Variants in ELMOD3 observed in about 807,000 individuals in gnomAD.
ELMOD3 encodes ELMO domain-containing protein 3.
ELMOD3 carries 36 observed loss-of-function variants against 47.4 expected under a neutral mutation model. The ratio of observed to expected loss-of-function variants is 0.76; its 90% CI spans 0.58 to 1.00. The LOEUF (loss-of-function observed/expected upper bound fraction) is 1.00. Among genes scored for constraint, ELMOD3 ranks in the 50% least tolerant of loss-of-function variants. The pLI is 0.00. For synonymous variants in ELMOD3, 149 were observed against 183.5 expected, an observed-to-expected ratio of 0.81 and a Z score of 1.52; for missense variants, 404 against 463.8, an observed-to-expected ratio of 0.87 and a Z score of 1.18.
chr2:85,364,823 A>AT lies in ELMOD3; in HGVS notation c.199+1658dup, dbSNP rs1221956258. Among the ~76,000 whole-genome samples, 387 of 86,942 alleles carry AT rather than the reference A, an allele frequency of 4.5e-3. 4 individuals carry two copies. The highest frequency in any genetic ancestry group is 5.7e-3 in the Non-Finnish European group (272 of 48,012). 57.0% of individuals were successfully genotyped at this position (86,942 alleles called of 152,430 possible). A position where few individuals can be genotyped will look rare whatever the true frequency, so the allele number is the denominator to read the frequency against. On this transcript the variant is annotated intron_variant, in intron 6 of 13. Coordinates refer to ENST00000409013, the MANE Select transcript of ELMOD3 (RefSeq NM_001135022.2). Reference sequence around the variant, plus strand: ...TAAATACATATATATATATATATATATATTTTTTTTTTTTTTTTTTTTTTT... The same window carrying AT: ...TAAATACATATATATATATATATATATTATTTTTTTTTTTTTTTTTTTTTTT...
At chr2:85,380,462 A>G (rs146785273) in intron 11 of ELMOD3, among the ~76,000 whole-genome samples, 2 of 152,304 alleles carry the variant, frequency 1.3e-5, no homozygotes, top group East Asian at 1.9e-4. Flanking sequence ...TGATGTCACA[A>G]TCTCCAAAGT....
intron 6 of ELMOD3, among the ~76,000 whole-genome samples, chr2:85,365,983 A>T (rs980012827): frequency 7.0e-5 from 10 of 143,776 alleles, no homozygotes; most frequent in African/African-American, 3.0e-4. Context: ...TTTGAAACAG[A>T]GTCTCACTCT....
chr2:85,367,780 T>A (rs977498467), intron 6 of ELMOD3: 2 of 152,210 alleles, frequency 1.3e-5, no homozygotes, highest in Non-Finnish European at 2.9e-5. Flanking sequence ...TAAGTGGAAC[T>A]GTCATGAGTT....
Position 85,369,820 on chromosome 2 carries a change from C to T in ELMOD3, c.350C>T (p.Ser117Phe). The change falls in exon 8 of 14, where the codon TCC becomes TTC. Residue 117 changes from serine to phenylalanine, a missense_variant. Transcript: ENST00000409013. ...ALQHFQTVDL[S>F]PFKKRIQPTI... ...CAGCACTTCCAGACTGTGGACCTTT[C>T]CCCCTTCAAGGTATGAGGGTAGCAG... 6.2e-7 allele frequency: 1 copy of T among 1,614,104 alleles called. No homozygotes were observed. Among genetic ancestry groups the T allele is most frequent in the Admixed American group, 1.7e-5 (1 of 60,008 alleles).
Position 85,366,837 on chromosome 2 carries a change from G to A in ELMOD3, c.200-1849G>A, listed in dbSNP as rs539810553. 4.6e-5 allele frequency among the ~76,000 whole-genome samples: 7 copies of A among 152,360 alleles called. 1 individual carries two copies. The South Asian group carries it at 1.2e-3, about 27-fold the overall frequency. On this transcript the variant is annotated intron_variant, in intron 6 of 13. Transcript: ENST00000409013. ...GTGATGTCCTCAGCCAAGATTGTGAGGCAGAGAGGAGCTGTCCCAACCTAC... is the reference window on the plus strand; with the variant it reads ...GTGATGTCCTCAGCCAAGATTGTGAAGCAGAGAGGAGCTGTCCCAACCTAC...
intron 11 of ELMOD3, among the ~76,000 whole-genome samples, chr2:85,386,073 C>T (rs758340946): frequency 3.9e-5 from 6 of 152,190 alleles, no homozygotes; most frequent in Non-Finnish European, 8.8e-5. Flanking sequence ...TGCTTAGACT[C>T]TCCCCATCAG....
chr2:85,363,446 G>C (rs1378551027), intron 6 of ELMOD3, among the ~76,000 whole-genome samples: 1 of 152,192 alleles, frequency 6.6e-6, no homozygotes, highest in African/African-American at 2.4e-5. Context: ...ATGAAAATGA[G>C]ACACAATATA....
chr2:85,355,287 G>A (rs1683469533), intron 2 of ELMOD3, 117 bp downstream of exon 2: 1 of 152,328 alleles, frequency 6.6e-6, no homozygotes, highest in African/African-American at 2.4e-5. Context: ...GGGAACCTGG[G>A]GGACGGGGAG....
intron 11 of ELMOD3, chr2:85,389,546 T>G: frequency 1.7e-6 from 1 of 599,556 alleles, no homozygotes; most frequent in Non-Finnish European, 3.0e-6. Context: ...TTCCCATGCC[T>G]TAGGAAAGTT....
chr2:85,359,621 G>C (rs997603934), intron 4 of ELMOD3, among the ~76,000 whole-genome samples: 13 of 151,802 alleles, frequency 8.6e-5, no homozygotes, highest in African/African-American at 2.7e-4. Flanking sequence ...GTAGAAACAG[G>C]GTTTCACCAT....
At chr2:85,361,468 C>G (rs2104502605) in intron 4 of ELMOD3, among the ~76,000 whole-genome samples, 1 of 152,218 alleles carries the variant, frequency 6.6e-6, no homozygotes, top group African/African-American at 2.4e-5. Flanking sequence ...GGAAAAGTTG[C>G]AACATTTACC....
chr2:85,371,186 A>G lies in ELMOD3; in HGVS notation c.461A>G (p.Asp154Gly). The G allele has an allele frequency of 6.2e-7, 1 of 1,614,228 alleles. No individual in the cohort carries two copies. Among genetic ancestry groups the G allele is most frequent in the Non-Finnish European group, 8.5e-7 (1 of 1,180,040 alleles). The stretch of plus-strand genomic sequence containing the variant: ...CACCAGCGCCTTCGGGAAGAAAGGG[A>G]CTTGGTCCTGACCATTGCTCAGTGT... ...KLHQRLREER[D>G]LVLTIAQCGL... Residue 154 changes from aspartate to glycine, a missense_variant, in exon 9 of 14, where the codon GAC becomes GGC. Physicochemically the swap from Asp to Gly is moderately conservative, Grantham distance 94. Coordinates refer to ENST00000409013, the MANE Select transcript of ELMOD3 (RefSeq NM_001135022.2).
chr2:85,387,521 G>C (rs1358187612), intron 11 of ELMOD3, among the ~76,000 whole-genome samples: 1 of 152,032 alleles, frequency 6.6e-6, no homozygotes, highest in Non-Finnish European at 1.5e-5. Flanking sequence ...AATTAGCTGG[G>C]CGTGGTGGCA....
rs538989279 is a variant in ELMOD3, at chr2:85,378,403, T to C, written c.738+929T>C. Reference sequence around the variant, plus strand: ...AGGTCCTGATGATATGTGCCCAAGATAGTCAGAGCACAGCTTGGTTTTATA... The same window carrying C: ...AGGTCCTGATGATATGTGCCCAAGACAGTCAGAGCACAGCTTGGTTTTATA... On this transcript the variant is annotated intron_variant, in intron 11 of 13. Transcript: ENST00000409013. Among the ~76,000 whole-genome samples the C allele has an allele frequency of 7.9e-5, 12 of 152,310 alleles. No homozygotes were observed. The South Asian group carries it at 1.7e-3, about 21-fold the overall frequency.
chr2:85,381,516 C>T (rs1685536680), intron 11 of ELMOD3, among the ~76,000 whole-genome samples: 1 of 152,102 alleles, frequency 6.6e-6, no homozygotes, highest in Non-Finnish European at 1.5e-5. Context: ...CTTTTATAAC[C>T]TTTATAACCT....
rs539608005 is a variant in ELMOD3 at position 85,376,113 on chromosome 2, C to T, written c.608-1231C>T. ...TTCTGGGGACATGGTCATCGTGGGG[C>T]GGGGGGATTATTTTGCCTACCACGG... On this transcript the variant is annotated intron_variant, in intron 10 of 13. Coordinates refer to ENST00000409013, the MANE Select transcript of ELMOD3 (RefSeq NM_001135022.2). The surrounding 1 kb of genome is among the most constrained non-coding windows in gnomAD (Gnocchi z 4.2). 1.4e-4 allele frequency among the ~76,000 whole-genome samples: 21 copies of T among 152,238 alleles called. 1 individual carries two copies. The South Asian group carries it at 3.9e-3, about 29-fold the overall frequency.
intron 11 of ELMOD3, among the ~76,000 whole-genome samples, chr2:85,385,682 C>G (rs1349539669): frequency 6.6e-6 from 1 of 152,048 alleles, no homozygotes; most frequent in Non-Finnish European, 1.5e-5. Context: ...GGCGCAGGGC[C>G]TAGCAGGCCA....
rs746615494 is a variant in ELMOD3 at position 85,363,107 on chromosome 2, TGAA to T, written c.144_146del (p.Lys48del). On this transcript the variant is annotated inframe_deletion, in exon 6 of 14. Coordinates refer to ENST00000409013, the MANE Select transcript of ELMOD3 (RefSeq NM_001135022.2). Reference sequence around the variant, plus strand: ...CAGCTGCCTCTACAGATCTCAGAGTTGAAGAACCATGGCATTCTCCAGGCTCTG... The same window carrying T: ...CAGCTGCCTCTACAGATCTCAGAGTTGAACCATGGCATTCTCCAGGCTCTG... 6.2e-7 allele frequency: 1 copy of T among 1,610,384 alleles called. No individual in the cohort carries two copies. Among genetic ancestry groups the T allele is most frequent in the Admixed American group, 1.7e-5 (1 of 59,996 alleles).
At chr2:85,359,636 G>A (rs1177370538) in intron 4 of ELMOD3, among the ~76,000 whole-genome samples, 1 of 151,948 alleles carries the variant, frequency 6.6e-6, no homozygotes, top group Non-Finnish European at 1.5e-5. Context: ...CACCATGTTG[G>A]CCAGGCTGGT....
Sources: allele counts gnomAD v4.1 joint callset (sites outside exome capture counted in the v4.1 genomes callset), GRCh38; gene constraint gnomAD v4.1.1; non-coding constraint Gnocchi (gnomAD v3.1); transcripts MANE v1.5; gene names NCBI Gene and HGNC (gene_info 2026-07-23, HGNC 2026-07-21).